C4orf51: variants seen among roughly 807,000 people sequenced by gnomAD.
The protein encoded by C4orf51 is chromosome 4 open reading frame 51.
In C4orf51, 25 loss-of-function variants were observed where a neutral mutation model predicts 25.2. The ratio of observed to expected loss-of-function variants is 0.99; its 90% confidence interval spans 0.72 to 1.39. The LOEUF (loss-of-function observed/expected upper bound fraction) is 1.39, where lower values mean the gene tolerates loss of function less well. Among genes scored for constraint, C4orf51 ranks in the 40% most tolerant of loss-of-function variants. The probability of loss-of-function intolerance (pLI) is 0.00; values close to 1 mark genes in which losing one functional copy is unlikely to be tolerated. For synonymous variants in C4orf51, 100 were observed against 84.5 expected, an observed-to-expected ratio of 1.18 and a Z score of -1.01; for missense variants, 252 against 239.6, an observed-to-expected ratio of 1.05 and a Z score of -0.34.
At chr4:145,703,612 A>C (rs1315856868) in intron 2 of C4orf51, among the ~76,000 whole-genome samples, 1 of 152,078 alleles carries the variant, frequency 6.6e-6, no homozygotes, top group East Asian at 1.9e-4. Flanking sequence ...TGTTTGATGT[A>C]GTTCCATTTG....
chr4:145,770,757 ATTAAAT>A (rs910903808), intron 1 of C4orf51, among the ~76,000 whole-genome samples: 5 of 152,130 alleles, frequency 3.3e-5, no homozygotes, highest in Middle Eastern at 3.2e-3. Flanking sequence ...GTACCTTAAA[ATTAAAT>A]TTAAAGGTAA....
chr4:145,698,113 T>G (rs1396647829), intron 2 of C4orf51, among the ~76,000 whole-genome samples: 1 of 152,216 alleles, frequency 6.6e-6, no homozygotes, highest in Non-Finnish European at 1.5e-5. Flanking sequence ...GTTGGCCATG[T>G]GTATGTGTTA....
chr4:145,791,085 T>G, the C4orf51 span, among the ~76,000 whole-genome samples: 2 of 152,230 alleles, frequency 1.3e-5, no homozygotes, highest in Non-Finnish European at 2.9e-5. Context: ...AAATACTGTG[T>G]GTCTTAGTTC....
rs1394150396 is a variant in C4orf51 at position 145,695,361 on chromosome 4, G to A, written c.234-1198G>A. Among the ~76,000 whole-genome samples, 7 of 152,154 alleles carry A rather than the reference G, an allele frequency of 4.6e-5. No homozygotes were observed. In the South Asian group the frequency reaches 1.5e-3, roughly 32 times the overall value. On this transcript the variant is annotated intron_variant, in intron 1 of 5. Transcript: ENST00000438731. ...AGTGATAATGAGCTTTTTTTGATATGCTTTTTGGCCACATGTCTTCTTTTG... is the reference window on the plus strand; with the variant it reads ...AGTGATAATGAGCTTTTTTTGATATACTTTTTGGCCACATGTCTTCTTTTG...
rs375505242 is a variant in C4orf51 at position 145,686,052 on chromosome 4, G to C, written c.233+5616G>C. ...TCAATAAAGAAATAAACAAAATGTG[G>C]TACATACATACAATGGAATATTATT... On this transcript the variant is annotated intron_variant, in intron 1 of 5. Transcript: ENST00000438731. Among the ~76,000 whole-genome samples the C allele has an allele frequency of 3.9e-4, 59 of 152,222 alleles. 1 individual carries two copies. Among genetic ancestry groups the C allele is most frequent in the East Asian group, 1.7e-3 (9 of 5,188 alleles).
At position 145,710,777 on chromosome 4, in the gene C4orf51, G is replaced by T. The variant is rs533175061; in HGVS notation, c.307+14145G>T. Among the ~76,000 whole-genome samples, 9 of 152,034 alleles carry T rather than the reference G, an allele frequency of 5.9e-5. No homozygotes were observed. In the South Asian group the frequency reaches 1.0e-3, roughly 18 times the overall value. ...TCTCTGATGGTTGCCTGACATTCCT[G>T]GTGTGTATGTGTGGTGGGGGGTGTG... On this transcript the variant is annotated intron_variant, in intron 2 of 5. Transcript: ENST00000438731.
At position 145,761,216 on chromosome 4, in the gene C4orf51, G is replaced by A. The variant is rs1428159021; in HGVS notation, n.167-9772G>A. ...CCACTCTGGTGCTTCTTGACGTGGCGGCTGAAGACGAAAGGGTGTGTGGTC... is the reference window on the plus strand; with the variant it reads ...CCACTCTGGTGCTTCTTGACGTGGCAGCTGAAGACGAAAGGGTGTGTGGTC... On this transcript the variant is annotated intron_variant and non_coding_transcript_variant, in intron 1 of 1. Coordinates refer to the C4orf51 transcript ENST00000510096. The surrounding 1 kb of genome is among the most constrained non-coding windows in gnomAD (Gnocchi z 6.8). The A allele has an allele frequency of 4.7e-6, 6 of 1,289,720 alleles. No homozygotes were observed. The highest frequency in any genetic ancestry group is 3.0e-5 in the African/African-American group (2 of 65,874). The allele number at this position is 1,289,720 out of a possible 1,614,324, so 79.9% of individuals were successfully genotyped here. A position where few individuals can be genotyped will look rare whatever the true frequency, so the allele number is the denominator to read the frequency against.
chr4:145,734,592 T>C (rs1732701044), downstream of C4orf51, among the ~76,000 whole-genome samples: 1 of 152,184 alleles, frequency 6.6e-6, no homozygotes, highest in African/African-American at 2.4e-5. Flanking sequence ...TTGCTGTTCC[T>C]CCTGTTTCCC....
At chr4:145,688,996 A>G (rs1293080435) in intron 1 of C4orf51, among the ~76,000 whole-genome samples, 1 of 152,252 alleles carries the variant, frequency 6.6e-6, no homozygotes, top group Non-Finnish European at 1.5e-5. Flanking sequence ...TGAAACAAGA[A>G]TAAACAAAGA....
downstream of C4orf51, chr4:145,758,176 T>C (rs1734100143): frequency 6.6e-6 from 1 of 152,196 alleles, no homozygotes; most frequent in East Asian, 1.9e-4. Context: ...AAAACTTTTA[T>C]AATTTACCAG....
At chr4:145,709,393 C>T (rs1731010402) in intron 2 of C4orf51, among the ~76,000 whole-genome samples, 1 of 152,180 alleles carries the variant, frequency 6.6e-6, no homozygotes, top group Non-Finnish European at 1.5e-5. Context: ...AATGTCTGTC[C>T]CCACAATGTG....
chr4:145,723,545 C>T (rs1351472020), intron 2 of C4orf51, among the ~76,000 whole-genome samples: 15 of 152,074 alleles, frequency 9.9e-5, no homozygotes, highest in Non-Finnish European at 1.9e-4. Context: ...CAAGCCTACA[C>T]TTGCTTTCTT....
intron 2 of C4orf51, among the ~76,000 whole-genome samples, chr4:145,716,082 C>T (rs72952628): frequency 0.071 from 10,768 of 152,050 alleles, 565 homozygotes; most frequent in South Asian, 0.15. Context: ...TATAGATAAC[C>T]CCCCCAAATT....
At chr4:145,709,395 C>T (rs1731010625) in intron 2 of C4orf51, among the ~76,000 whole-genome samples, 1 of 152,212 alleles carries the variant, frequency 6.6e-6, no homozygotes, top group Non-Finnish European at 1.5e-5. Flanking sequence ...TGTCTGTCCC[C>T]ACAATGTGCC....
chr4:145,760,888 T>C, intron 1 of C4orf51: 1 of 1,229,584 alleles, frequency 8.1e-7, no homozygotes, highest in Non-Finnish European at 1.0e-6. Flanking sequence ...GAATGTGAGA[T>C]CCAAGTGGTT....
At chr4:145,776,315 G>A in the C4orf51 span, among the ~76,000 whole-genome samples, 1 of 152,054 alleles carries the variant, frequency 6.6e-6, no homozygotes, top group Admixed American at 6.6e-5. Flanking sequence ...TAAAAAATTA[G>A]TCAGGTGTGG....
chr4:145,712,997 G>A (rs901010034), intron 2 of C4orf51, among the ~76,000 whole-genome samples: 4 of 152,160 alleles, frequency 2.6e-5, no homozygotes, highest in South Asian at 2.1e-4. Flanking sequence ...AACAAAGCCC[G>A]AATGACAGCA....
Position 145,761,215 on chromosome 4 carries a change from C to A in C4orf51, n.167-9773C>A, listed in dbSNP as rs1285431956. ...CCCACTCTGGTGCTTCTTGACGTGG[C>A]GGCTGAAGACGAAAGGGTGTGTGGT... On this transcript the variant is annotated intron_variant and non_coding_transcript_variant, in intron 1 of 1. Coordinates refer to the C4orf51 transcript ENST00000510096. The surrounding 1 kb of genome is among the most constrained non-coding windows in gnomAD (Gnocchi z 6.8). 1.6e-6 allele frequency: 2 copies of A among 1,289,820 alleles called. No homozygotes were observed. The highest frequency in any genetic ancestry group is 2.0e-6 in the Non-Finnish European group (2 of 988,868). 79.9% of individuals were successfully genotyped at this position (1,289,820 alleles called of 1,614,324 possible).
At chr4:145,700,500 C>T (rs891067951) in intron 2 of C4orf51, among the ~76,000 whole-genome samples, 6 of 152,242 alleles carry the variant, frequency 3.9e-5, no homozygotes, top group Middle Eastern at 6.8e-3. Context: ...TCTGCAATGC[C>T]GTTTGACCCC....
Sources: gnomAD v4.1 joint callset for allele counts (sites outside exome capture counted in the v4.1 genomes callset) on GRCh38, gnomAD v4.1.1 for gene constraint, Gnocchi (gnomAD v3.1) non-coding constraint, MANE v1.5 for transcripts, NCBI Gene and HGNC (gene_info 2026-07-23, HGNC 2026-07-21) for gene names.